DEPDC1B: variants seen among roughly 807,000 people sequenced by gnomAD.
DEPDC1B encodes the protein DEP domain-containing protein 1B.
DEPDC1B carries 51 observed loss-of-function variants against 66.5 expected under a neutral mutation model. That is an observed-to-expected ratio of 0.77 (90% CI 0.61 to 0.97). DEPDC1B has a LOEUF of 0.97. Among genes scored for constraint, DEPDC1B ranks in the 50% least tolerant of loss-of-function variants. DEPDC1B has a pLI of 0.00. For synonymous variants in DEPDC1B, 226 were observed against 223.6 expected (o/e 1.01, Z -0.10); for missense variants, 552 against 637.1 (o/e 0.87, Z 1.44).
chr5:60,671,666 C>T (rs1754037547), intron 2 of DEPDC1B, among the ~76,000 whole-genome samples: 1 of 152,208 alleles, frequency 6.6e-6, no homozygotes, highest in Non-Finnish European at 1.5e-5. Flanking sequence ...CTGTTCCCTT[C>T]CCCATTTATC....
intron 2 of DEPDC1B, among the ~76,000 whole-genome samples, chr5:60,660,650 A>C (rs1432589426): frequency 6.6e-5 from 10 of 152,202 alleles, no homozygotes; most frequent in Admixed American, 6.5e-4. Context: ...TTGTAAGCAC[A>C]CCTCACCAGT....
chr5:60,603,590 G>A (rs1264515380), intron 8 of DEPDC1B, 23 bp from the exon 9 acceptor site: 1 of 1,547,610 alleles, frequency 6.5e-7, no homozygotes, highest in Non-Finnish European at 8.7e-7. Context: ...CGGGGTGGGG[G>A]GTAAACGCAG....
At chr5:60,658,832 G>C (rs1753638463) in intron 2 of DEPDC1B, among the ~76,000 whole-genome samples, 1 of 152,044 alleles carries the variant, frequency 6.6e-6, no homozygotes, top group Non-Finnish European at 1.5e-5. Flanking sequence ...CACTCTTTTG[G>C]TCCATGTTTG....
intron 2 of DEPDC1B, among the ~76,000 whole-genome samples, chr5:60,682,673 G>A (rs1466483228): frequency 6.6e-6 from 1 of 151,874 alleles, no homozygotes; most frequent in African/African-American, 2.4e-5. Context: ...TATAAGCAAC[G>A]AATTGGAAAA....
intron 7 of DEPDC1B, among the ~76,000 whole-genome samples, chr5:60,618,427 T>A (rs1019123236): frequency 6.6e-6 from 1 of 152,102 alleles, no homozygotes; most frequent in African/African-American, 2.4e-5. Context: ...AAGAATCAAA[T>A]AGATGCAATA....
At position 60,665,702 on chromosome 5, in the gene DEPDC1B, G is replaced by A. The variant is rs116895809; in HGVS notation, c.315-18169C>T. Among the ~76,000 whole-genome samples, 101 of 152,268 alleles carry A rather than the reference G, an allele frequency of 6.6e-4. 1 individual carries two copies. In the East Asian group the frequency reaches 0.018, roughly 27 times the overall value. On this transcript the variant is annotated intron_variant, in intron 2 of 10. Coordinates refer to ENST00000265036, the MANE Select transcript of DEPDC1B (RefSeq NM_018369.3). The stretch of plus-strand genomic sequence containing the variant: ...GGTTTTCCTGTTGGAAGCGGGGACC[G>A]AGAGACAGGACTAGCTGGATTTCCT...
At position 60,696,478 on chromosome 5, in the gene DEPDC1B, A is replaced by C. The variant is rs10471483; in HGVS notation, c.48+3568T>G. ...TGGTCTCTGTTCCCACTTATTTCCA[A>C]ATATAACTAAGGGGTTATTTGGCTA... On this transcript the variant is annotated intron_variant, in intron 1 of 10. Coordinates refer to ENST00000265036, the MANE Select transcript of DEPDC1B (RefSeq NM_018369.3). Among the ~76,000 whole-genome samples the C allele has an allele frequency of 3.5e-3, 536 of 152,332 alleles. 4 individuals carry two copies. Among genetic ancestry groups the C allele is most frequent in the Non-Finnish European group, 4.1e-3 (277 of 68,024 alleles).
rs369611248 is a variant in DEPDC1B at position 60,623,041 on chromosome 5, G to A, written c.898+15709C>T. On this transcript the variant is annotated intron_variant, in intron 7 of 10. Coordinates refer to ENST00000265036, the MANE Select transcript of DEPDC1B (RefSeq NM_018369.3). Reference sequence around the variant, plus strand: ...TTTATTTTATGGTTATGTTTTCTAGGAACTAAGATATCTTTGTCTATGCAA... The same window carrying A: ...TTTATTTTATGGTTATGTTTTCTAGAAACTAAGATATCTTTGTCTATGCAA... Among the ~76,000 whole-genome samples, 9 of 151,958 alleles carry A rather than the reference G, an allele frequency of 5.9e-5. No homozygotes were observed. The East Asian group carries it at 1.7e-3, about 29-fold the overall frequency.
Position 60,686,997 on chromosome 5 carries a change from A to G in DEPDC1B, c.279T>C (p.Gly93=), listed in dbSNP as rs747664021. The change falls in exon 2 of 11, where the codon GGT becomes GGC. Residue 93 remains glycine (G), a synonymous_variant. Coordinates refer to ENST00000265036, the MANE Select transcript of DEPDC1B (RefSeq NM_018369.3). ...HVIEDIKGKW[G]EEDFEDNRHL... is the part of the protein sequence containing the mutation. Reference sequence around the variant, plus strand: ...GACGATTGTCTTCAAAATCTTCCTCACCCCATTTTCCCTTGATGTCTTCAA... The same window carrying G: ...GACGATTGTCTTCAAAATCTTCCTCGCCCCATTTTCCCTTGATGTCTTCAA... 1 of 1,614,124 alleles carries G rather than the reference A, an allele frequency of 6.2e-7. No individual in the cohort carries two copies. The highest frequency in any genetic ancestry group is 8.5e-7 in the Non-Finnish European group (1 of 1,180,024).
intron 2 of DEPDC1B, among the ~76,000 whole-genome samples, chr5:60,667,565 A>T (rs538062057): frequency 6.9e-5 from 10 of 145,132 alleles, no homozygotes; most frequent in African/African-American, 2.3e-4. Flanking sequence ...TTACATATAT[A>T]AAAAAGTGGA....
At chr5:60,678,597 T>C (rs910574044) in intron 2 of DEPDC1B, among the ~76,000 whole-genome samples, 4 of 152,244 alleles carry the variant, frequency 2.6e-5, no homozygotes, top group Non-Finnish European at 4.4e-5. Context: ...AACATACTAA[T>C]AGATACATAG....
intron 1 of DEPDC1B, among the ~76,000 whole-genome samples, chr5:60,692,994 G>T (rs1475995964): frequency 6.6e-6 from 1 of 152,114 alleles, no homozygotes; most frequent in African/African-American, 2.4e-5. Context: ...AGGAGGTAGG[G>T]ACCAAGTGGG....
intron 8 of DEPDC1B, 129 bp downstream of exon 8, chr5:60,605,561 G>A: frequency 1.0e-6 from 1 of 953,594 alleles, no homozygotes; most frequent in Non-Finnish European, 1.5e-6. Context: ...CACAAGTCTG[G>A]GTGGACACTG....
intron 2 of DEPDC1B, among the ~76,000 whole-genome samples, chr5:60,686,462 A>G (rs75374023): frequency 6.6e-6 from 1 of 152,348 alleles, no homozygotes; most frequent in East Asian, 1.9e-4. Context: ...GCACTGAAAC[A>G]TGAGCAAAAA....
In DEPDC1B at chr5:60,605,965, C is replaced by T. The variant is rs369873984; in HGVS notation, c.899-109G>A. On this transcript the variant is annotated intron_variant, in intron 7 of 10. Transcript: ENST00000265036. Reference sequence around the variant, plus strand: ...TTAGTAAAATTACATAAAATATTTTCACATATTCAACTATACTGGGTCAAT... The same window carrying T: ...TTAGTAAAATTACATAAAATATTTTTACATATTCAACTATACTGGGTCAAT... The T allele has an allele frequency of 5.8e-5, 56 of 965,652 alleles. No homozygotes were observed. In the African/African-American group the frequency reaches 8.6e-4, roughly 15 times the overall value. The allele number at this position is 965,652 out of a possible 1,614,324, so 59.8% of individuals were successfully genotyped here.
chr5:60,694,335 A>C (rs1360492589), intron 1 of DEPDC1B, among the ~76,000 whole-genome samples: 9 of 152,210 alleles, frequency 5.9e-5, no homozygotes, highest in South Asian at 4.1e-4. Context: ...GCCATAATTT[A>C]TTCTGCCATT....
At chr5:60,635,195 CA>C (rs937763812) in intron 7 of DEPDC1B, among the ~76,000 whole-genome samples, 3 of 151,630 alleles carry the variant, frequency 2.0e-5, no homozygotes, top group African/African-American at 7.3e-5. Context: ...GCACTCTCTG[CA>C]AAAAAACAAA....
intron 2 of DEPDC1B, among the ~76,000 whole-genome samples, chr5:60,676,970 A>G (rs1334898951): frequency 6.6e-6 from 1 of 152,216 alleles, no homozygotes; most frequent in Non-Finnish European, 1.5e-5. Flanking sequence ...ACACTGTGCT[A>G]GAAGTTAATA....
intron 1 of DEPDC1B, among the ~76,000 whole-genome samples, chr5:60,688,691 C>T (rs1389747748): frequency 6.6e-6 from 1 of 152,110 alleles, no homozygotes; most frequent in East Asian, 1.9e-4. Context: ...GGCCATTAGT[C>T]CAGCCTCTGC....
Sources: gnomAD v4.1 joint callset for allele counts (sites outside exome capture counted in the v4.1 genomes callset) on GRCh38, gnomAD v4.1.1 for gene constraint, MANE v1.5 for transcripts, NCBI Gene and HGNC (gene_info 2026-07-23, HGNC 2026-07-21) for gene names.